The following ANO4 variants were observed in gnomAD, a reference collection of about 807,000 sequenced individuals.
ANO4 encodes anoctamin 4.
In ANO4, 69 loss-of-function variants were observed where a neutral mutation model predicts 141.9. The observed-to-expected ratio is 0.49, with a 90% CI of 0.40 to 0.59. The LOEUF is 0.59. Ranked by LOEUF, ANO4 falls within the 20% of genes least tolerant of loss-of-function variation. The pLI, the probability that ANO4 is intolerant of heterozygous loss-of-function variation, is 0.00. For missense variants in ANO4, 894 were observed against 1,162.2 expected (o/e 0.77, Z 3.36); for synonymous variants, 350 against 394.3 (o/e 0.89, Z 1.33).
At chr12:100,908,050 C>T (rs1286373321) in intron 2 of ANO4, among the ~76,000 whole-genome samples, 2 of 152,232 alleles carry the variant, frequency 1.3e-5, no homozygotes, top group Non-Finnish European at 2.9e-5. Flanking sequence ...TTTCAAGTCT[C>T]TTCCCTCACC....
chr12:100,731,487 T>C (rs1358939998), intron 1 of ANO4, among the ~76,000 whole-genome samples: 2 of 152,206 alleles, frequency 1.3e-5, no homozygotes, highest in Non-Finnish European at 2.9e-5. Context: ...TTTGTTACAA[T>C]TGATAAACCT....
rs1409708533 is a variant in ANO4 at position 101,094,276 on chromosome 12, GCTT to G, written c.1725_1727del (p.Leu576del). 6.2e-7 allele frequency: 1 copy of G among 1,611,210 alleles called. No individual in the cohort carries two copies. Among genetic ancestry groups the G allele is most frequent in the South Asian group, 1.1e-5 (1 of 90,946 alleles). On this transcript the variant is annotated inframe_deletion, in exon 18 of 28. Coordinates refer to ENST00000392977, the MANE Select transcript of ANO4 (RefSeq NM_001286615.2). ...TACAGCTCTATGAAAAAGTTGCCCT[GCTT>G]CTGACGAATTTAGGTGAGTGGAATC...
At chr12:101,031,210 A>G (rs1287189675) in intron 9 of ANO4, among the ~76,000 whole-genome samples, 1 of 152,246 alleles carries the variant, frequency 6.6e-6, no homozygotes, top group Non-Finnish European at 1.5e-5. Context: ...AACCGAATAC[A>G]GCAGCACATC....
At chr12:100,772,637 G>T (rs2135555741) in intron 3 of ANO4, among the ~76,000 whole-genome samples, 1 of 152,288 alleles carries the variant, frequency 6.6e-6, no homozygotes, top group Admixed American at 6.5e-5. Context: ...GCCTGACGCA[G>T]CTGCAGATCC....
intron 3 of ANO4, among the ~76,000 whole-genome samples, chr12:100,924,354 G>A (rs918721618): frequency 6.6e-6 from 1 of 152,000 alleles, no homozygotes; most frequent in African/African-American, 2.4e-5. Context: ...AACAACTGAG[G>A]GTGGAAGAAA....
chr12:101,031,970 A>G (rs916840361), intron 9 of ANO4, among the ~76,000 whole-genome samples: 1 of 152,192 alleles, frequency 6.6e-6, no homozygotes, highest in Non-Finnish European at 1.5e-5. Context: ...ATCCTCATGG[A>G]CAGGAAAAAT....
intron 9 of ANO4, among the ~76,000 whole-genome samples, chr12:101,022,739 T>A (rs2046582154): frequency 6.6e-6 from 1 of 152,160 alleles, no homozygotes. Flanking sequence ...GTACAACTTA[T>A]GACTCTTTTT....
chr12:100,747,036 A>G (rs1032114742), intron 3 of ANO4, among the ~76,000 whole-genome samples: 1 of 152,094 alleles, frequency 6.6e-6, no homozygotes, highest in African/African-American at 2.4e-5. Flanking sequence ...GCATTGTAGG[A>G]TGTTTAGCAG....
intron 1 of ANO4, among the ~76,000 whole-genome samples, chr12:100,813,202 G>T (rs2035547110): frequency 6.6e-6 from 1 of 152,092 alleles, no homozygotes; most frequent in Non-Finnish European, 1.5e-5. Flanking sequence ...ATAGCAGGTT[G>T]CCCTCCTTAT....
chr12:101,095,487 C>T (rs941377601), intron 18 of ANO4, among the ~76,000 whole-genome samples: 1 of 152,140 alleles, frequency 6.6e-6, no homozygotes, highest in Non-Finnish European at 1.5e-5. Flanking sequence ...GAAGTGAAAC[C>T]CTTTAAGAAA....
rs868320306 is a variant in ANO4 at position 100,859,654 on chromosome 12, C to T, written c.-140-41992C>T. On this transcript the variant is annotated intron_variant, in intron 1 of 27. Coordinates refer to ENST00000392977, the MANE Select transcript of ANO4 (RefSeq NM_001286615.2). ...AAAAAGAATGTATTTTGTTTGCATC[C>T]ATATAGTAGCATCTAACCTATCGCA... Among the ~76,000 whole-genome samples the T allele has an allele frequency of 1.3e-5, 2 of 152,104 alleles. 1 individual carries two copies. The highest frequency in any genetic ancestry group is 4.8e-5 in the African/African-American group (2 of 41,414).
chr12:100,922,306 G>C lies in ANO4; in HGVS notation c.136G>C (p.Glu46Gln), dbSNP rs1375337626. 1 of 1,531,624 alleles carries C rather than the reference G, an allele frequency of 6.5e-7. No individual in the cohort carries two copies. Among genetic ancestry groups the C allele is most frequent in the South Asian group, 1.2e-5 (1 of 83,196 alleles). 94.9% of individuals were successfully genotyped at this position (1,531,624 alleles called of 1,614,324 possible). The change falls in exon 3 of 28, where the codon GAG becomes CAG. Residue 46 changes from glutamate (E) to glutamine (Q), a missense_variant. This residue lies in a region of ANO4 where 257 missense variants were observed against 253.0 expected (regional missense o/e 1.02). Coordinates refer to ENST00000392977, the MANE Select transcript of ANO4 (RefSeq NM_001286615.2). The part of the protein sequence containing the change: ...DGPKSDVDFS[E>Q]ILNAIQEMAK... ...GCCAAAGAGTGATGTGGACTTTTCAGAGATTCTTAATGCAATACAAGAAAG... is the reference window on the plus strand; with the variant it reads ...GCCAAAGAGTGATGTGGACTTTTCACAGATTCTTAATGCAATACAAGAAAG...
intron 9 of ANO4, among the ~76,000 whole-genome samples, chr12:101,024,278 A>G (rs1349760794): frequency 6.6e-6 from 1 of 152,302 alleles, no homozygotes; most frequent in South Asian, 2.1e-4. Context: ...CAGGACTTTG[A>G]TAAATTATGA....
chr12:100,925,758 A>G (rs2041839699), intron 3 of ANO4, among the ~76,000 whole-genome samples: 1 of 134,392 alleles, frequency 7.4e-6, no homozygotes, highest in Non-Finnish European at 1.6e-5. Flanking sequence ...GTGACTATTT[A>G]TATATAGTAT....
chr12:101,120,458 G>T, intron 25 of ANO4, 62 bp from the exon 26 acceptor site: 6 of 1,397,668 alleles, frequency 4.3e-6, no homozygotes, highest in Non-Finnish European at 6.1e-6. Flanking sequence ...AATGAGAATG[G>T]AAGAGATTTG....
chr12:100,972,429 C>G (rs2043971905), intron 6 of ANO4, among the ~76,000 whole-genome samples: 1 of 152,096 alleles, frequency 6.6e-6, no homozygotes, highest in African/African-American at 2.4e-5. Context: ...GTCCTAATAC[C>G]AAGTCAAAAT....
chr12:100,721,831 A>G (rs1039667033), intron 1 of ANO4, among the ~76,000 whole-genome samples: 1 of 149,212 alleles, frequency 6.7e-6, no homozygotes, highest in Admixed American at 6.7e-5. Flanking sequence ...GGTGTGGGTC[A>G]CCATGCCAGG....
intron 3 of ANO4, among the ~76,000 whole-genome samples, chr12:100,923,222 G>T (rs1207467778): frequency 1.3e-5 from 2 of 151,924 alleles, no homozygotes; most frequent in African/African-American, 4.8e-5. Flanking sequence ...GTGCCATGTT[G>T]GTTTGCTGCA....
chr12:100,894,767 C>A (rs1233592310), intron 1 of ANO4, among the ~76,000 whole-genome samples: 1 of 151,856 alleles, frequency 6.6e-6, no homozygotes, highest in African/African-American at 2.4e-5. Flanking sequence ...GAGATTGAGA[C>A]CATCCCGGCT....
Sources: allele counts gnomAD v4.1 joint callset (sites outside exome capture counted in the v4.1 genomes callset), GRCh38; gene constraint gnomAD v4.1.1; regional missense constraint gnomAD v4.1.1; transcripts MANE v1.5; gene names NCBI Gene and HGNC (gene_info 2026-07-23, HGNC 2026-07-21).